MAML2: variants seen among roughly 807,000 people sequenced by gnomAD.
MAML2 encodes mastermind like transcriptional coactivator 2.
In MAML2, 22 loss-of-function variants were observed where a neutral mutation model predicts 96.1. That is an observed-to-expected ratio of 0.23 (90% CI 0.16 to 0.33). MAML2 has a LOEUF of 0.33. Ranked by LOEUF, MAML2 falls within the 10% of genes least tolerant of loss-of-function variation. The probability of loss-of-function intolerance (pLI) is 1.00; values close to 1 mark genes in which losing one functional copy is unlikely to be tolerated. For missense variants in MAML2, 1,367 were observed against 1,392.4 expected, an observed-to-expected ratio of 0.98 and a Z score of 0.29; for synonymous variants, 561 against 521.3, an observed-to-expected ratio of 1.08 and a Z score of -1.04.
intron 1 of MAML2, among the ~76,000 whole-genome samples, chr11:96,121,200 A>G (rs949882155): frequency 1.3e-5 from 2 of 152,146 alleles, no homozygotes; most frequent in African/African-American, 4.8e-5. Context: ...TCCAAACCCC[A>G]TCTTTGGCCC....
At chr11:96,045,287 G>A (rs1377869285) in intron 2 of MAML2, among the ~76,000 whole-genome samples, 1 of 152,214 alleles carries the variant, frequency 6.6e-6, no homozygotes, top group Non-Finnish European at 1.5e-5. Context: ...TATCTGCTGT[G>A]AGAGAGTATG....
At chr11:96,172,128 C>T (rs971879744) in intron 1 of MAML2, among the ~76,000 whole-genome samples, 9 of 152,116 alleles carry the variant, frequency 5.9e-5, no homozygotes, top group Non-Finnish European at 1.3e-4. Flanking sequence ...ACTTATGTAT[C>T]CAAAAAGTTT....
At chr11:96,219,517 C>G (rs994818950) in intron 1 of MAML2, among the ~76,000 whole-genome samples, 1 of 152,160 alleles carries the variant, frequency 6.6e-6, no homozygotes. Context: ...AGCCTTGCAC[C>G]GTGATTTACA....
At chr11:96,283,989 G>A (rs1190224887) in intron 1 of MAML2, among the ~76,000 whole-genome samples, 1 of 151,372 alleles carries the variant, frequency 6.6e-6, no homozygotes, top group Admixed American at 6.6e-5. Flanking sequence ...TTATCATTTT[G>A]CCCTCTAGAT....
intron 2 of MAML2, among the ~76,000 whole-genome samples, chr11:96,088,154 G>C (rs1312316626): frequency 6.6e-6 from 1 of 152,184 alleles, no homozygotes; most frequent in Non-Finnish European, 1.5e-5. Context: ...GCTAGGAAGA[G>C]AGAGTAGGGT....
At chr11:96,122,878 C>G (rs1196344493) in intron 1 of MAML2, among the ~76,000 whole-genome samples, 2 of 152,242 alleles carry the variant, frequency 1.3e-5, no homozygotes, top group Admixed American at 6.5e-5. Flanking sequence ...AGTGAATATC[C>G]TTTAAGGTGT....
chr11:96,268,057 A>G (rs978915602), intron 1 of MAML2, among the ~76,000 whole-genome samples: 14 of 152,246 alleles, frequency 9.2e-5, no homozygotes, highest in African/African-American at 3.4e-4. Flanking sequence ...ATTCAGAACC[A>G]GAAGGATGCC....
At chr11:96,031,250 G>A (rs1244341882) in intron 2 of MAML2, among the ~76,000 whole-genome samples, 1 of 152,010 alleles carries the variant, frequency 6.6e-6, no homozygotes, top group African/African-American at 2.4e-5. Flanking sequence ...TTTTCTCACT[G>A]GATACCAGGT....
chr11:96,228,878 C>T (rs522495), intron 1 of MAML2, among the ~76,000 whole-genome samples: 103,559 of 151,990 alleles, frequency 0.68, 36,219 homozygotes, highest in African/African-American at 0.84. Flanking sequence ...CTCTCCTTTA[C>T]ATATCTATGT....
chr11:96,145,301 C>A lies in MAML2; in HGVS notation c.514-51784G>T, dbSNP rs1860799038. Among the ~76,000 whole-genome samples the A allele has an allele frequency of 2.0e-5, 3 of 152,152 alleles. No homozygotes were observed. The South Asian group carries it at 6.2e-4, about 32-fold the overall frequency. On this transcript the variant is annotated intron_variant, in intron 1 of 4. Coordinates refer to ENST00000524717, the MANE Select transcript of MAML2 (RefSeq NM_032427.4). ...AATAGCTACCATGATATTGCTAAAC[C>A]CTGTACCAACTCGTGGACAGTAGTC... is the stretch of plus-strand genomic sequence containing the variant.
intron 1 of MAML2, among the ~76,000 whole-genome samples, chr11:96,116,608 G>A (rs1860246882): frequency 6.6e-6 from 1 of 152,184 alleles, no homozygotes; most frequent in Non-Finnish European, 1.5e-5. Flanking sequence ...GACATATGGA[G>A]CTGAACTCTC....
chr11:96,013,796 C>T (rs1228090396), intron 2 of MAML2, among the ~76,000 whole-genome samples: 4 of 152,170 alleles, frequency 2.6e-5, no homozygotes, highest in African/African-American at 9.7e-5. Flanking sequence ...CCTTCTGGTT[C>T]CTCCATCTGC....
intron 1 of MAML2, among the ~76,000 whole-genome samples, chr11:96,289,969 AG>A (rs1360117182): frequency 5.3e-5 from 8 of 152,202 alleles, no homozygotes; most frequent in African/African-American, 1.9e-4. Context: ...TCAGTTAGAA[AG>A]GGCCTTAGAG....
intron 1 of MAML2, among the ~76,000 whole-genome samples, chr11:96,121,780 A>ATGTTTTTTTTTTTTTTT (rs1860346034): frequency 2.8e-5 from 1 of 35,238 alleles, no homozygotes; most frequent in African/African-American, 1.3e-4. Flanking sequence ...CAACTGCGTG[A>ATGTTTTTTTTTTTTTTT]TTTTTTTTTT....
At chr11:96,198,368 G>A (rs1050617203) in intron 1 of MAML2, among the ~76,000 whole-genome samples, 4 of 152,156 alleles carry the variant, frequency 2.6e-5, no homozygotes, top group African/African-American at 9.7e-5. Context: ...ACACAGAATC[G>A]CTTGTCAAAC....
At chr11:96,199,321 A>G (rs1861782158) in intron 1 of MAML2, among the ~76,000 whole-genome samples, 2 of 151,880 alleles carry the variant, frequency 1.3e-5, no homozygotes, top group Non-Finnish European at 2.9e-5. Context: ...AAGCCCCATG[A>G]TAAGGTGGGC....
intron 1 of MAML2, among the ~76,000 whole-genome samples, chr11:96,299,592 C>A (rs1439682026): frequency 6.6e-6 from 1 of 152,106 alleles, no homozygotes; most frequent in South Asian, 2.1e-4. Context: ...AGAAGTTCCC[C>A]TGGGAGCAGC....
chr11:96,225,668 C>T lies in MAML2; in HGVS notation c.513+115715G>A, dbSNP rs1241919745. Among the ~76,000 whole-genome samples, 3 of 152,084 alleles carry T rather than the reference C, an allele frequency of 2.0e-5. No homozygotes were observed. In the East Asian group the frequency reaches 5.8e-4, roughly 29 times the overall value. ...GCAACATGGTGAAACCCGGTCTCTA[C>T]TAAAAAATACAAAAATTAGCTGGGC... On this transcript the variant is annotated intron_variant, in intron 1 of 4. Coordinates refer to ENST00000524717, the MANE Select transcript of MAML2 (RefSeq NM_032427.4).
At chr11:96,326,165 C>A (rs888928340) in intron 1 of MAML2, among the ~76,000 whole-genome samples, 1 of 142,866 alleles carries the variant, frequency 7.0e-6, no homozygotes, top group Non-Finnish European at 1.5e-5. Context: ...GGACCCAACA[C>A]AAGACCCAAC....
Sources: allele counts gnomAD v4.1 joint callset (sites outside exome capture counted in the v4.1 genomes callset), GRCh38; gene constraint gnomAD v4.1.1; transcripts MANE v1.5; gene names NCBI Gene and HGNC (gene_info 2026-07-23, HGNC 2026-07-21).